The following NDUFA7 variants were observed in gnomAD, a reference collection of about 807,000 sequenced individuals.
The protein encoded by NDUFA7 is NADH:ubiquinone oxidoreductase subunit A7, also known as NADH dehydrogenase [ubiquinone] 1 alpha subcomplex subunit 7.
A neutral mutation model predicts 14.2 loss-of-function variants in NDUFA7; 18 were observed. That is an observed-to-expected ratio of 1.27 (90% CI 0.88 to 1.88). The LOEUF is 1.88. Ranked by LOEUF, NDUFA7 falls within the 40% of genes most tolerant of loss-of-function variation. The probability of loss-of-function intolerance (pLI) is 0.00; values close to 1 mark genes in which losing one functional copy is unlikely to be tolerated. For missense variants in NDUFA7, 172 were observed against 147.3 expected (o/e 1.17, Z -0.87); for synonymous variants, 75 against 62.1 (o/e 1.21, Z -0.98).
At chr19:8,320,566 G>A (rs1484904091) in intron 2 of NDUFA7, among the ~76,000 whole-genome samples, 2 of 152,126 alleles carry the variant, frequency 1.3e-5, no homozygotes, top group Admixed American at 6.6e-5. Context: ...CGCCTCTCTG[G>A]ACCTCTTTTT....
downstream of NDUFA7, among the ~76,000 whole-genome samples, chr19:8,309,138 C>T (rs1970143419): frequency 6.6e-6 from 1 of 151,986 alleles, no homozygotes; most frequent in South Asian, 2.1e-4. Context: ...GGGAGAATCA[C>T]TTGGGGCTGC....
At chr19:8,319,962 C>A (rs538581288) in intron 2 of NDUFA7, among the ~76,000 whole-genome samples, 2 of 152,242 alleles carry the variant, frequency 1.3e-5, no homozygotes, top group African/African-American at 2.4e-5. Flanking sequence ...TCTCCTGCCT[C>A]AACCTCCCGA....
At chr19:8,315,490 C>T (rs1970222532) in intron 3 of NDUFA7, among the ~76,000 whole-genome samples, 2 of 152,126 alleles carry the variant, frequency 1.3e-5, no homozygotes, top group Admixed American at 1.3e-4. Flanking sequence ...GAGATGTTTA[C>T]GTGTATATGT....
In NDUFA7 at chr19:8,316,888, G is replaced by A. The variant is rs1599631841; in HGVS notation, c.102-243C>T. 12 of 499,864 alleles carry A rather than the reference G, an allele frequency of 2.4e-5. No individual in the cohort carries two copies. In the South Asian group the frequency reaches 2.8e-4, roughly 12 times the overall value. The allele number at this position is 499,864 out of a possible 1,614,324, so 31.0% of individuals were successfully genotyped here. On this transcript the variant is annotated intron_variant, in intron 2 of 3. Coordinates refer to ENST00000301457, the MANE Select transcript of NDUFA7 (RefSeq NM_005001.5). ...GATGCCACCCCCAGGGACCCCACCT[G>A]TCCCAAATGTGGAGGGTACAGAGGA...
chr19:8,311,715 A>T (rs1343487405), intron 3 of NDUFA7, 120 bp from the exon 4 acceptor site: 1 of 741,472 alleles, frequency 1.3e-6, no homozygotes, highest in Non-Finnish European at 2.2e-6. Flanking sequence ...TGCAGGACAG[A>T]CAGCAGGGTG....
chr19:8,320,812 G>T, intron 2 of NDUFA7, 45 bp downstream of exon 2: 2 of 1,611,966 alleles, frequency 1.2e-6, no homozygotes, highest in Non-Finnish European at 1.7e-6. Context: ...TTTTGGTGGA[G>T]AAAGGACAGA....
At chr19:8,318,001 T>C (rs973732530) in intron 2 of NDUFA7, among the ~76,000 whole-genome samples, 1 of 151,846 alleles carries the variant, frequency 6.6e-6, no homozygotes, top group African/African-American at 2.4e-5. Context: ...TTAGTCACTG[T>C]ATTTTTTAAA....
chr19:8,317,429 G>A (rs181218434), intron 2 of NDUFA7, among the ~76,000 whole-genome samples: 48 of 152,202 alleles, frequency 3.2e-4, no homozygotes, highest in Admixed American at 2.9e-3. Flanking sequence ...GCCAAGCATG[G>A]TGGTGGGAGG....
chr19:8,308,648 C>T, downstream of NDUFA7: 3 of 307,878 alleles, frequency 9.7e-6, no homozygotes, highest in South Asian at 1.3e-4. Flanking sequence ...AGGCACTCCG[C>T]ATTTCCTCCC....
intron 3 of NDUFA7, among the ~76,000 whole-genome samples, chr19:8,314,703 G>C (rs1262594343): frequency 6.6e-6 from 1 of 152,214 alleles, no homozygotes; most frequent in Non-Finnish European, 1.5e-5. Context: ...CATGAGATCA[G>C]GAGATCAAGA....
Position 8,320,571 on chromosome 19 carries a change from C to A in NDUFA7, c.101+286G>T, listed in dbSNP as rs1185262321. ...CAAATGATTTCGCCTCTCTGGACCT[C>A]TTTTTTCATCTGTAGCTTGGGGATA... On this transcript the variant is annotated intron_variant, in intron 2 of 3. Transcript: ENST00000301457. 2.0e-5 allele frequency among the ~76,000 whole-genome samples: 3 copies of A among 152,196 alleles called. No individual in the cohort carries two copies. The East Asian group carries it at 5.8e-4, about 29-fold the overall frequency.
intron 2 of NDUFA7, among the ~76,000 whole-genome samples, chr19:8,319,103 TA>T (rs903678760): frequency 1.6e-5 from 2 of 124,682 alleles, no homozygotes; most frequent in African/African-American, 6.0e-5. Flanking sequence ...GAAAGCCAAC[TA>T]GGGGGGTCGG....
intron 2 of NDUFA7, 33 bp from the exon 3 acceptor site, chr19:8,316,678 G>GC: frequency 6.2e-7 from 1 of 1,610,202 alleles, no homozygotes; most frequent in East Asian, 2.2e-5. Flanking sequence ...CTGAAGCAAA[G>GC]AGACAGTCAC....
intron 2 of NDUFA7, among the ~76,000 whole-genome samples, chr19:8,317,004 A>C (rs1286382360): frequency 6.6e-6 from 1 of 151,602 alleles, no homozygotes; most frequent in Non-Finnish European, 1.5e-5. Context: ...GACTTTGTCC[A>C]CTCTGAGTGG....
rs138702946 is a variant in NDUFA7, at chr19:8,313,521, C to T, written c.252-1926G>A. ...CTGGGATTACAGGCGTGAGCCACCG[C>T]GCCCAGACCTCACAGAGTTTTAAGT... On this transcript the variant is annotated intron_variant, in intron 3 of 3. Transcript: ENST00000301457. Among the ~76,000 whole-genome samples the T allele has an allele frequency of 4.2e-3, 633 of 152,310 alleles. 5 individuals carry two copies. The highest frequency in any genetic ancestry group is 0.014 in the African/African-American group (576 of 41,564).
downstream of NDUFA7, among the ~76,000 whole-genome samples, chr19:8,309,092 C>G (rs900262920): frequency 2.0e-5 from 3 of 151,944 alleles, no homozygotes; most frequent in Non-Finnish European, 4.4e-5. Context: ...CATGGTGGCT[C>G]TAATTTGTAG....
rs771405237 is a variant in NDUFA7 at position 8,317,480 on chromosome 19, G to A, written c.102-835C>T. Among the ~76,000 whole-genome samples the A allele has an allele frequency of 2.0e-5, 3 of 152,260 alleles. No individual in the cohort carries two copies. The East Asian group carries it at 5.8e-4, about 29-fold the overall frequency. Reference sequence around the variant, plus strand: ...GCTGAGATCACGCCACTACACTCCAGCCTGGGCGACAGAGCGAGACTCCAT... The same window carrying A: ...GCTGAGATCACGCCACTACACTCCAACCTGGGCGACAGAGCGAGACTCCAT... On this transcript the variant is annotated intron_variant, in intron 2 of 3. Transcript: ENST00000301457.
Position 8,311,606 on chromosome 19 carries a change from GAA to G in NDUFA7, c.252-13_252-12del, listed in dbSNP as rs781133294. On this transcript the variant is annotated splice_polypyrimidine_tract_variant and intron_variant, in intron 3 of 3. Coordinates refer to ENST00000301457, the MANE Select transcript of NDUFA7 (RefSeq NM_005001.5). ...GCAGCTACAGCAGAGCTGGAGGAGG[GAA>G]AGACTTCAGTGAGGGTTTCCAAAGA... 1.2e-6 allele frequency: 2 copies of G among 1,609,358 alleles called. No individual in the cohort carries two copies. The highest frequency in any genetic ancestry group is 1.7e-6 in the Non-Finnish European group (2 of 1,177,356).
chr19:8,320,283 ATTTTG>A (rs965053872), intron 2 of NDUFA7, among the ~76,000 whole-genome samples: 14 of 152,038 alleles, frequency 9.2e-5, no homozygotes, highest in Non-Finnish European at 1.3e-4. Flanking sequence ...GCTTCCACTT[ATTTTG>A]TTTTGTCTTC....
Sources: allele counts gnomAD v4.1 joint callset (sites outside exome capture counted in the v4.1 genomes callset), GRCh38; gene constraint gnomAD v4.1.1; transcripts MANE v1.5; gene names NCBI Gene and HGNC (gene_info 2026-07-23, HGNC 2026-07-21).